Variants in HSD17B11 observed in about 807,000 individuals in gnomAD.
The protein encoded by HSD17B11 is estradiol 17-beta-dehydrogenase 11.
Under a neutral mutation model 27.8 loss-of-function variants are expected in HSD17B11, and 22 were observed. The ratio of observed to expected loss-of-function variants is 0.79; its 90% confidence interval spans 0.56 to 1.13. The LOEUF (loss-of-function observed/expected upper bound fraction) is 1.13. Ranked by LOEUF, HSD17B11 falls within the 50% of genes most tolerant of loss-of-function variation. The pLI is 0.00. For missense variants in HSD17B11, 314 were observed against 351.1 expected, an observed-to-expected ratio of 0.89 and a Z score of 0.84; for synonymous variants, 117 against 132.8, an observed-to-expected ratio of 0.88 and a Z score of 0.82.
At chr4:87,339,250 C>T (rs1178830674) in intron 6 of HSD17B11, among the ~76,000 whole-genome samples, 1 of 152,188 alleles carries the variant, frequency 6.6e-6, no homozygotes, top group Non-Finnish European at 1.5e-5. Context: ...CGTCTACTCA[C>T]CAAAGAGATC....
intron 4 of HSD17B11, among the ~76,000 whole-genome samples, chr4:87,371,415 T>C (rs1015218695): frequency 6.6e-6 from 1 of 152,110 alleles, no homozygotes; most frequent in Non-Finnish European, 1.5e-5. Flanking sequence ...TGGTTACCTT[T>C]GGGAAGGAAG....
Position 87,391,135 on chromosome 4 carries a change from G to A in HSD17B11, c.-65C>T. ...TTTTTACCACTCTAAACTGCTTTTA[G>A]AGGGTAGCTCGATCTAACACCAGAA... On this transcript the variant is annotated 5_prime_UTR_variant, in exon 1 of 7. Coordinates refer to ENST00000358290, the MANE Select transcript of HSD17B11 (RefSeq NM_016245.5). 1 of 1,263,494 alleles carries A rather than the reference G, an allele frequency of 7.9e-7. No homozygotes were observed. The highest frequency in any genetic ancestry group is 1.3e-5 in the South Asian group (1 of 74,762). 78.3% of individuals were successfully genotyped at this position (1,263,494 alleles called of 1,614,324 possible).
At chr4:87,380,763 C>T (rs1720135176) in intron 2 of HSD17B11, among the ~76,000 whole-genome samples, 1 of 147,970 alleles carries the variant, frequency 6.8e-6, no homozygotes. Context: ...GAGGCTGAGG[C>T]AGGAGAATGG....
At chr4:87,369,483 G>C (rs1374063459) in intron 4 of HSD17B11, among the ~76,000 whole-genome samples, 1 of 151,448 alleles carries the variant, frequency 6.6e-6, no homozygotes, top group African/African-American at 2.4e-5. Context: ...GCCCAGGCTG[G>C]AGTGCAGTGG....
intron 5 of HSD17B11, 26 bp downstream of exon 5, chr4:87,357,253 C>A (rs1411890118): frequency 6.2e-7 from 1 of 1,606,476 alleles, no homozygotes. Context: ...AACCACCAAT[C>A]CTTTTGTCTC....
At chr4:87,343,459 GAA>G (rs760056839) in intron 5 of HSD17B11, among the ~76,000 whole-genome samples, 2 of 151,956 alleles carry the variant, frequency 1.3e-5, no homozygotes, top group Non-Finnish European at 2.9e-5. Flanking sequence ...TACTGAGGGG[GAA>G]GGAGTATTTT....
At chr4:87,353,475 T>C (rs1015832576) in intron 5 of HSD17B11, among the ~76,000 whole-genome samples, 2 of 152,234 alleles carry the variant, frequency 1.3e-5, no homozygotes, top group African/African-American at 4.8e-5. Context: ...CAACTTCATC[T>C]TTGGGGTCTA....
Position 87,337,322 on chromosome 4 carries a change from C to A in HSD17B11, c.857G>T (p.Ser286Ile), listed in dbSNP as rs765313087. 2.5e-6 allele frequency: 4 copies of A among 1,606,752 alleles called. No individual in the cohort carries two copies. In the South Asian group the frequency reaches 4.4e-5, roughly 18 times the overall value. Reference sequence around the variant, plus strand: ...TCCAATAACTGCATCAAACTTAACACTGATTTTTCGTTTTAAAACTGCCAG... The same window carrying A: ...TCCAATAACTGCATCAAACTTAACAATGATTTTTCGTTTTAAAACTGCCAG... Reference protein sequence around the residue: ...RFLAVLKRKISVKFDAVIGYK... With the variant: ...RFLAVLKRKIIVKFDAVIGYK... Residue 286 changes from serine (S) to isoleucine (I), a missense_variant, in exon 7 of 7, where the codon AGT becomes ATT. Ser to Ile is a moderately radical substitution (Grantham distance 142). Coordinates refer to ENST00000358290, the MANE Select transcript of HSD17B11 (RefSeq NM_016245.5).
intron 4 of HSD17B11, among the ~76,000 whole-genome samples, chr4:87,362,075 G>A (rs556314714): frequency 6.6e-6 from 1 of 152,308 alleles, no homozygotes; most frequent in East Asian, 1.9e-4. Context: ...CCTACACCTG[G>A]GTAAAGAATG....
chr4:87,363,130 AT>A (rs1420983441), intron 4 of HSD17B11, among the ~76,000 whole-genome samples: 1 of 151,498 alleles, frequency 6.6e-6, no homozygotes, highest in African/African-American at 2.4e-5. Flanking sequence ...GAAAAAAAAA[AT>A]TTTTTTCCTT....
At chr4:87,342,000 A>G (rs1183816361) in intron 5 of HSD17B11, among the ~76,000 whole-genome samples, 2 of 152,232 alleles carry the variant, frequency 1.3e-5, no homozygotes, top group African/African-American at 2.4e-5. Context: ...ATACATAATT[A>G]AATGTACTCA....
At chr4:87,370,748 TA>T (rs751180942) in intron 4 of HSD17B11, among the ~76,000 whole-genome samples, 28,289 of 47,762 alleles carry the variant, frequency 0.59, 6,583 homozygotes, top group Admixed American at 0.62. Context: ...TTATTATTAT[TA>T]TTATTATTTT....
chr4:87,390,249 G>A (rs1720424109), intron 1 of HSD17B11, among the ~76,000 whole-genome samples: 3 of 152,136 alleles, frequency 2.0e-5, no homozygotes, highest in African/African-American at 4.8e-5. Flanking sequence ...TCCGCCCCGC[G>A]GGGTTCCCGC....
At chr4:87,354,111 CTGTT>C (rs930290845) in intron 5 of HSD17B11, among the ~76,000 whole-genome samples, 15 of 152,016 alleles carry the variant, frequency 9.9e-5, no homozygotes, top group South Asian at 4.1e-4. Context: ...ATTTTAAAGA[CTGTT>C]TGATAGATTC....
intron 4 of HSD17B11, among the ~76,000 whole-genome samples, chr4:87,358,473 C>T (rs1451750456): frequency 6.6e-6 from 1 of 152,038 alleles, no homozygotes; most frequent in Admixed American, 6.6e-5. Flanking sequence ...TCTAAATGGA[C>T]ATTACTTTCT....
At chr4:87,367,750 T>C (rs575259550) in intron 4 of HSD17B11, among the ~76,000 whole-genome samples, 1 of 152,350 alleles carries the variant, frequency 6.6e-6, no homozygotes, top group African/African-American at 2.4e-5. Context: ...CAGGGATCTC[T>C]AACTGCTGCT....
chr4:87,355,215 A>C lies in HSD17B11; in HGVS notation c.695+2064T>G, dbSNP rs1219072514. ...GAACTTATAATATGAATTTAATATCAGTGAGGAAAATGATGTATTATTTAA... is the reference window on the plus strand; with the variant it reads ...GAACTTATAATATGAATTTAATATCCGTGAGGAAAATGATGTATTATTTAA... On this transcript the variant is annotated intron_variant, in intron 5 of 6. Transcript: ENST00000358290. Among the ~76,000 whole-genome samples the C allele has an allele frequency of 2.6e-5, 4 of 152,188 alleles. No individual in the cohort carries two copies. In the South Asian group the frequency reaches 6.2e-4, roughly 24 times the overall value.
At chr4:87,355,841 T>G (rs1280176785) in intron 5 of HSD17B11, among the ~76,000 whole-genome samples, 1 of 151,418 alleles carries the variant, frequency 6.6e-6, no homozygotes, top group Non-Finnish European at 1.5e-5. Context: ...GAGGTGGAGG[T>G]TGCAGTGAGC....
intron 5 of HSD17B11, among the ~76,000 whole-genome samples, chr4:87,356,436 A>G (rs544564498): frequency 4.3e-4 from 66 of 152,312 alleles, no homozygotes; most frequent in African/African-American, 1.3e-3. Flanking sequence ...TCTGTACTTT[A>G]TTAGATGTCT....
Sources: allele counts gnomAD v4.1 joint callset (sites outside exome capture counted in the v4.1 genomes callset), GRCh38; gene constraint gnomAD v4.1.1; transcripts MANE v1.5; gene names NCBI Gene and HGNC (gene_info 2026-07-23, HGNC 2026-07-21).